TTC29: variants seen among roughly 807,000 people sequenced by gnomAD.
TTC29 encodes tetratricopeptide repeat protein 29.
In TTC29, 49 loss-of-function variants were observed where a neutral mutation model predicts 58.1. The observed-to-expected ratio is 0.84, with a 90% CI of 0.67 to 1.07. The LOEUF is 1.07. TTC29 is among the 50% of genes least tolerant of loss of function. The pLI is 0.00. For missense variants in TTC29, 582 were observed against 555.6 expected (o/e 1.05, Z -0.48); for synonymous variants, 209 against 196.8 (o/e 1.06, Z -0.52).
intron 9 of TTC29, among the ~76,000 whole-genome samples, chr4:146,826,886 C>T (rs1255813923): frequency 9.7e-6 from 1 of 103,612 alleles, no homozygotes; most frequent in Non-Finnish European, 1.9e-5. Flanking sequence ...ATGCTTTCTT[C>T]TGCTTGGCTG....
At position 146,834,342 on chromosome 4, in the gene TTC29, C is replaced by A. The variant is rs548921002; in HGVS notation, c.886-445G>T. 4.6e-5 allele frequency among the ~76,000 whole-genome samples: 7 copies of A among 152,258 alleles called. No individual in the cohort carries two copies. In the East Asian group the frequency reaches 1.3e-3, roughly 29 times the overall value. On this transcript the variant is annotated intron_variant, in intron 8 of 12. Coordinates refer to ENST00000325106, the MANE Select transcript of TTC29 (RefSeq NM_031956.4). ...TTTAGGTGCCAGGCAATTTCTAAAT[C>A]TATCATTTTATTAGATGCATAGCTC...
chr4:146,903,587 T>G lies in TTC29; in HGVS notation c.543A>C (p.Glu181Asp). 1.9e-6 allele frequency: 3 copies of G among 1,612,550 alleles called. No homozygotes were observed. Among genetic ancestry groups the G allele is most frequent in the Non-Finnish European group, 2.5e-6 (3 of 1,179,262 alleles). ...GACCCATATGCATGTGTGCCTCGGC[T>G]TCTTTCTTCCCACAGTCAATTTTGA... is the stretch of plus-strand genomic sequence containing the variant. ...QLIKIDCGKK[E>D]AEAHMHMGLL... The change falls in exon 6 of 13, where the codon GAA becomes GAC. Residue 181 changes from glutamate to aspartate, a missense_variant. By Grantham distance (45) the Glu-to-Asp change is conservative. Transcript: ENST00000325106.
intron 10 of TTC29, among the ~76,000 whole-genome samples, chr4:146,819,113 AAAAT>A (rs148330537): frequency 0.021 from 3,146 of 151,490 alleles, 118 homozygotes; most frequent in African/African-American, 0.07. Flanking sequence ...AACAATAATA[AAAAT>A]AAATAAATAA....
At chr4:146,940,055 G>C (rs191902162) in intron 2 of TTC29, among the ~76,000 whole-genome samples, 154 bp from the exon 3 acceptor site, 2 of 152,190 alleles carry the variant, frequency 1.3e-5, no homozygotes, top group East Asian at 1.9e-4. Context: ...TGCTCAGTGA[G>C]TGGATTCTGC....
intron 6 of TTC29, among the ~76,000 whole-genome samples, chr4:146,897,364 A>G (rs1732836081): frequency 6.6e-6 from 1 of 152,110 alleles, no homozygotes; most frequent in African/African-American, 2.4e-5. Flanking sequence ...AAGGCAATCA[A>G]TCGTGACCTA....
At chr4:146,729,291 A>AAAGTT (rs1465701176) in intron 11 of TTC29, among the ~76,000 whole-genome samples, 1 of 152,160 alleles carries the variant, frequency 6.6e-6, no homozygotes, top group African/African-American at 2.4e-5. Flanking sequence ...TAACATGAGT[A>AAAGTT]AAGTTCAGCA....
In TTC29 at chr4:146,802,656, T is replaced by G. The variant is rs536444071; in HGVS notation, c.1330+801A>C. Among the ~76,000 whole-genome samples, 19 of 152,324 alleles carry G rather than the reference T, an allele frequency of 1.2e-4. No homozygotes were observed. The South Asian group carries it at 3.9e-3, about 32-fold the overall frequency. ...ATGACCACAGGGGAAAACAAAGAGT[T>G]CAAATCAAATAGAAGATACTTCACA... On this transcript the variant is annotated intron_variant, in intron 11 of 12. Coordinates refer to ENST00000325106, the MANE Select transcript of TTC29 (RefSeq NM_031956.4).
intron 6 of TTC29, among the ~76,000 whole-genome samples, chr4:146,891,112 T>G (rs1214245966): frequency 6.6e-6 from 1 of 152,116 alleles, no homozygotes. Context: ...TCCAGGTAGA[T>G]GAGTAGAGCA....
chr4:146,874,650 C>A (rs1030176789), intron 7 of TTC29, 66 bp downstream of exon 7: 1 of 1,283,812 alleles, frequency 7.8e-7, no homozygotes, highest in Non-Finnish European at 1.1e-6. Context: ...ATTTTTACTT[C>A]ACTCTTGGGA....
intron 5 of TTC29, among the ~76,000 whole-genome samples, chr4:146,907,052 AAGG>A (rs1221948810): frequency 2.0e-5 from 3 of 152,172 alleles, no homozygotes; most frequent in African/African-American, 7.2e-5. Context: ...AACCTGGAAG[AAGG>A]AGGTTGCAGT....
chr4:146,915,309 T>C (rs1022683437), intron 4 of TTC29, among the ~76,000 whole-genome samples: 3 of 152,148 alleles, frequency 2.0e-5, no homozygotes, highest in Non-Finnish European at 2.9e-5. Flanking sequence ...AGGAATTTGA[T>C]GTTATTTGAC....
chr4:146,814,627 G>A (rs1365176976), intron 10 of TTC29, among the ~76,000 whole-genome samples: 3 of 150,896 alleles, frequency 2.0e-5, no homozygotes, highest in African/African-American at 7.3e-5. Context: ...TCAGGAGGCT[G>A]AGGCAGGAGA....
At chr4:146,922,464 GC>G (rs1381018639) in intron 4 of TTC29, among the ~76,000 whole-genome samples, 3 of 151,634 alleles carry the variant, frequency 2.0e-5, no homozygotes, top group Non-Finnish European at 4.4e-5. Flanking sequence ...AAACATAGTA[GC>G]ACGAACGGAA....
At chr4:146,935,196 A>C (rs934662782) in intron 4 of TTC29, among the ~76,000 whole-genome samples, 6 of 151,922 alleles carry the variant, frequency 3.9e-5, no homozygotes, top group African/African-American at 1.5e-4. Context: ...GACAGTAGGA[A>C]CTCTCCACCC....
rs1579487073 is a variant in TTC29 at position 146,707,020 on chromosome 4, T to C, written c.*138A>G. ...TTAAATTTATAGTAACACACTGAAA[T>C]GCAAAATCCAATGAAAAGAGTCATA... On this transcript the variant is annotated 3_prime_UTR_variant, in exon 13 of 13. Transcript: ENST00000325106. 3.1e-5 allele frequency: 16 copies of C among 519,366 alleles called. No homozygotes were observed. The Admixed American group carries it at 5.7e-4, about 19-fold the overall frequency. 32.2% of individuals were successfully genotyped at this position (519,366 alleles called of 1,614,324 possible).
At chr4:146,715,020 T>TAGA (rs1742824601) in intron 11 of TTC29, among the ~76,000 whole-genome samples, 1 of 152,002 alleles carries the variant, frequency 6.6e-6, no homozygotes, top group Non-Finnish European at 1.5e-5. Context: ...AAAATTCTTG[T>TAGA]AGAGATGGGA....
intron 11 of TTC29, among the ~76,000 whole-genome samples, chr4:146,722,194 C>T (rs573551951): frequency 6.6e-6 from 1 of 152,244 alleles, no homozygotes; most frequent in South Asian, 2.1e-4. Context: ...AAAAACATTC[C>T]ATGTTCATGG....
chr4:146,792,415 T>C (rs1749527294), intron 11 of TTC29, among the ~76,000 whole-genome samples: 1 of 152,188 alleles, frequency 6.6e-6, no homozygotes, highest in Non-Finnish European at 1.5e-5. Flanking sequence ...ACTTAATATG[T>C]TAAGCCCACC....
intron 11 of TTC29, among the ~76,000 whole-genome samples, chr4:146,783,810 T>A (rs1561121374): frequency 6.6e-6 from 1 of 152,080 alleles, no homozygotes; most frequent in African/African-American, 2.4e-5. Context: ...TACCATTTTT[T>A]AAGGATAGAC....
Sources: allele counts gnomAD v4.1 joint callset (sites outside exome capture counted in the v4.1 genomes callset), GRCh38; gene constraint gnomAD v4.1.1; transcripts MANE v1.5; gene names NCBI Gene and HGNC (gene_info 2026-07-23, HGNC 2026-07-21).